Variants in RAP1GAP observed in about 807,000 individuals in gnomAD.
RAP1GAP encodes the protein RAP1 GTPase activating protein, also known as rap1 GTPase-activating protein 1.
In RAP1GAP, 35 loss-of-function variants were observed where a neutral mutation model predicts 87.2. That is an observed-to-expected ratio of 0.40 (90% CI 0.31 to 0.53). RAP1GAP has a LOEUF of 0.53. Among genes scored for constraint, RAP1GAP ranks in the 20% least tolerant of loss-of-function variants. The pLI is 0.48. For synonymous variants in RAP1GAP, 375 were observed against 363.9 expected, an observed-to-expected ratio of 1.03 and a Z score of -0.35; for missense variants, 734 against 898.9, an observed-to-expected ratio of 0.82 and a Z score of 2.35.
chr1:21,603,752 C>G lies in RAP1GAP; in HGVS notation c.1429-839G>C. 6.8e-7 allele frequency: 1 copy of G among 1,460,648 alleles called. No individual in the cohort carries two copies. Among genetic ancestry groups the G allele is most frequent in the Non-Finnish European group, 9.6e-7 (1 of 1,042,792 alleles). 90.5% of individuals were successfully genotyped at this position (1,460,648 alleles called of 1,614,324 possible). On this transcript the variant is annotated intron_variant, in intron 18 of 24. Coordinates refer to ENST00000374765, the MANE Select transcript of RAP1GAP (RefSeq NM_002885.4). The surrounding 1 kb of genome is among the most constrained non-coding windows in gnomAD (Gnocchi z 6.0). ...TCCCGGGGGCAGAGGGGCAACGTCCCCAATATGGCCTCCGTCCTGAGAGCG... is the reference window on the plus strand; with the variant it reads ...TCCCGGGGGCAGAGGGGCAACGTCCGCAATATGGCCTCCGTCCTGAGAGCG...
At position 21,613,596 on chromosome 1, in the gene RAP1GAP, G is replaced by A. The variant is rs780203649; in HGVS notation, c.474+32C>T. 6.3e-7 allele frequency: 1 copy of A among 1,580,230 alleles called. No homozygotes were observed. Among genetic ancestry groups the A allele is most frequent in the Non-Finnish European group, 8.7e-7 (1 of 1,149,504 alleles). The stretch of plus-strand genomic sequence containing the variant: ...CCACAGGTGCCCATCTGCGGAGCCA[G>A]CCCGGGAAGCTCAGCGGAGCGGAGA... On this transcript the variant is annotated intron_variant, in intron 9 of 24. Coordinates refer to ENST00000374765, the MANE Select transcript of RAP1GAP (RefSeq NM_002885.4). This position sits in a 1 kb window ranked among gnomAD's most constrained non-coding sequence, Gnocchi z 4.7.
chr1:21,614,414 G>A (rs1048601735), intron 7 of RAP1GAP, among the ~76,000 whole-genome samples: 12 of 152,220 alleles, frequency 7.9e-5, no homozygotes, highest in South Asian at 4.1e-4. Flanking sequence ...GGGTAGTAAC[G>A]CTGGATCTCT....
At chr1:21,618,208 G>C (rs1339384669) in intron 5 of RAP1GAP, among the ~76,000 whole-genome samples, 1 of 152,172 alleles carries the variant, frequency 6.6e-6, no homozygotes, top group Non-Finnish European at 1.5e-5. Context: ...GAAACCGCTG[G>C]ACTGCCTGGA....
rs1028269002 is a variant in RAP1GAP at position 21,622,458 on chromosome 1, C to G, written c.-18-2408G>C. 7 of 195,104 alleles carry G rather than the reference C, an allele frequency of 3.6e-5. No homozygotes were observed. Among genetic ancestry groups the G allele is most frequent in the Non-Finnish European group, 7.1e-5 (7 of 98,258 alleles). 12.1% of individuals were successfully genotyped at this position (195,104 alleles called of 1,614,324 possible). On this transcript the variant is annotated intron_variant, in intron 3 of 24. Transcript: ENST00000374765. The surrounding 1 kb of genome is among the most constrained non-coding windows in gnomAD (Gnocchi z 5.7). The stretch of plus-strand genomic sequence containing the variant: ...GGCCCCCGCCGGGGCGGCACTTCAG[C>G]TGGCCCAGCCGGCTCCTGGCCCGCG...
chr1:21,618,931 G>A, intron 5 of RAP1GAP, 94 bp downstream of exon 5: 2 of 1,371,394 alleles, frequency 1.5e-6, no homozygotes. Flanking sequence ...TTGCTGAAAG[G>A]GGATGGATTT....
chr1:21,600,217 A>AC (rs1214317833), intron 20 of RAP1GAP, among the ~76,000 whole-genome samples: 1 of 152,066 alleles, frequency 6.6e-6, no homozygotes, highest in Non-Finnish European at 1.5e-5. Context: ...CGAAAAGCAA[A>AC]TGTGCCTTTA....
intron 1 of RAP1GAP, among the ~76,000 whole-genome samples, chr1:21,658,742 T>C (rs2096966674): frequency 2.0e-5 from 3 of 151,920 alleles, no homozygotes; most frequent in African/African-American, 7.3e-5. Context: ...TTTTTTTAAA[T>C]CTAAGGGTAT....
intron 1 of RAP1GAP, among the ~76,000 whole-genome samples, chr1:21,656,739 A>C (rs938744676): frequency 6.6e-6 from 1 of 152,044 alleles, no homozygotes; most frequent in Non-Finnish European, 1.5e-5. Flanking sequence ...GGTTTCTGAA[A>C]CCCCTGCCTA....
chr1:21,599,476 C>A lies in RAP1GAP; in HGVS notation c.1776+18G>T, dbSNP rs768273439. On this transcript the variant is annotated intron_variant, in intron 21 of 24. Transcript: ENST00000374765. ...TTCCAAGCTCCTGTGGGGCCCCTGA[C>A]CCCCCTGAGCCTCTCACCAGGCCTG... The A allele has an allele frequency of 6.9e-6, 11 of 1,600,032 alleles. No individual in the cohort carries two copies. Among genetic ancestry groups the A allele is most frequent in the Admixed American group, 1.7e-5 (1 of 58,650 alleles).
At position 21,599,533 on chromosome 1, in the gene RAP1GAP, C is replaced by T. The variant is rs779720687; in HGVS notation, c.1737G>A (p.Val579=). 5.0e-6 allele frequency: 8 copies of T among 1,609,854 alleles called. No individual in the cohort carries two copies. Among genetic ancestry groups the T allele is most frequent in the South Asian group, 3.3e-5 (3 of 91,086 alleles). The change falls in exon 21 of 25, where the codon GTG becomes GTA. Residue 579 remains valine (V), a synonymous_variant. Coordinates refer to ENST00000374765, the MANE Select transcript of RAP1GAP (RefSeq NM_002885.4). ...CTCCGTCCACACCCTCCGTCTCCTCCACCACGCTGGCGAAGCTGCTGGCAC... is the reference window on the plus strand; with the variant it reads ...CTCCGTCCACACCCTCCGTCTCCTCTACCACGCTGGCGAAGCTGCTGGCAC... The part of the protein sequence containing the change: ...SSSASSFASV[V]EETEGVDGED...
chr1:21,623,437 AAC>A (rs2090107778), intron 3 of RAP1GAP, among the ~76,000 whole-genome samples: 1 of 152,228 alleles, frequency 6.6e-6, no homozygotes, highest in Admixed American at 6.5e-5. Flanking sequence ...AGATGTTGGG[AAC>A]ACAGCAAATG....
Position 21,613,012 on chromosome 1 carries a change from T to G in RAP1GAP, c.528+164A>C. The stretch of plus-strand genomic sequence containing the variant: ...CACCCTGGGGGAAGGCACAGGCCCT[T>G]TCGGTGGCTCCTCTTCTGCAAATTG... On this transcript the variant is annotated intron_variant, in intron 10 of 24. Coordinates refer to ENST00000374765, the MANE Select transcript of RAP1GAP (RefSeq NM_002885.4). The surrounding 1 kb of genome is among the most constrained non-coding windows in gnomAD (Gnocchi z 4.7). 2.6e-6 allele frequency: 2 copies of G among 756,036 alleles called. No individual in the cohort carries two copies. The highest frequency in any genetic ancestry group is 4.5e-6 in the Non-Finnish European group (2 of 442,180). 46.8% of individuals were successfully genotyped at this position (756,036 alleles called of 1,614,324 possible). A position where few individuals can be genotyped will look rare whatever the true frequency, so the allele number is the denominator to read the frequency against.
chr1:21,651,581 CACAGAA>C (rs771645160), intron 1 of RAP1GAP: 3 of 694,908 alleles, frequency 4.3e-6, no homozygotes, highest in South Asian at 1.4e-5. Context: ...CACACACAGA[CACAGAA>C]ACAGAAACAC....
Position 21,617,796 on chromosome 1 carries a change from G to A in RAP1GAP, c.105+138C>T, listed in dbSNP as rs542295980. ...GGGTTCAAATGGGCTCTGAGGCCTT[G>A]GGCCTGCAAATTAAGTCTCCAGCCC... On this transcript the variant is annotated intron_variant, in intron 6 of 24. Transcript: ENST00000374765. The A allele has an allele frequency of 1.7e-5, 21 of 1,237,948 alleles. No homozygotes were observed. The East Asian group carries it at 3.3e-4, about 20-fold the overall frequency. 76.7% of individuals were successfully genotyped at this position (1,237,948 alleles called of 1,614,324 possible).
chr1:21,659,086 G>A (rs1205079476), intron 1 of RAP1GAP, among the ~76,000 whole-genome samples: 2 of 151,980 alleles, frequency 1.3e-5, no homozygotes, highest in East Asian at 1.9e-4. Context: ...TGTATTTTTA[G>A]TAGAGTCGGG....
rs1055471897 is a variant in RAP1GAP at position 21,668,882 on chromosome 1, C to T, written c.-149+372G>A. On this transcript the variant is annotated intron_variant, in intron 1 of 24. Transcript: ENST00000374765. This position sits in a 1 kb window ranked among gnomAD's most constrained non-coding sequence, Gnocchi z 6.2. ...CTCCCCAGGGATGGAGGAAACGCGC[C>T]CACTTCCCACAGTCCCTCCTCTAAA... Among the ~76,000 whole-genome samples the T allele has an allele frequency of 6.6e-6, 1 of 151,190 alleles. No homozygotes were observed. Among genetic ancestry groups the T allele is most frequent in the Non-Finnish European group, 1.5e-5 (1 of 67,684 alleles).
In RAP1GAP at chr1:21,603,225, C is replaced by G; in HGVS notation, c.1429-312G>C. ...CCTCAGAATGGCTACCGCTCCCCGC[C>G]CCCCAGGGCTCTGTGGGATCTGCAG... is the stretch of plus-strand genomic sequence containing the variant. On this transcript the variant is annotated intron_variant, in intron 18 of 24. Coordinates refer to ENST00000374765, the MANE Select transcript of RAP1GAP (RefSeq NM_002885.4). This position sits in a 1 kb window ranked among gnomAD's most constrained non-coding sequence, Gnocchi z 6.0. 4.9e-6 allele frequency: 2 copies of G among 407,564 alleles called. No individual in the cohort carries two copies. Among genetic ancestry groups the G allele is most frequent in the Non-Finnish European group, 8.9e-6 (2 of 225,708 alleles). 25.2% of individuals were successfully genotyped at this position (407,564 alleles called of 1,614,324 possible). A position where few individuals can be genotyped will look rare whatever the true frequency, so the allele number is the denominator to read the frequency against.
In RAP1GAP at chr1:21,603,405, C is replaced by CA; in HGVS notation, c.1429-493dup. 3.6e-6 allele frequency: 2 copies of CA among 548,064 alleles called. No individual in the cohort carries two copies. Among genetic ancestry groups the CA allele is most frequent in the Non-Finnish European group, 6.5e-6 (2 of 307,408 alleles). 34.0% of individuals were successfully genotyped at this position (548,064 alleles called of 1,614,324 possible). On this transcript the variant is annotated intron_variant, in intron 18 of 24. Coordinates refer to ENST00000374765, the MANE Select transcript of RAP1GAP (RefSeq NM_002885.4). The surrounding 1 kb of genome is among the most constrained non-coding windows in gnomAD (Gnocchi z 6.0). ...TCCCACACACTGTGCTGGGATGCCC[C>CA]AGGCCCCAGAAGCCCGCCCCCAGCT...
Position 21,633,090 on chromosome 1 carries a change from G to C in RAP1GAP, c.-112-6693C>G, listed in dbSNP as rs578067153. Among the ~76,000 whole-genome samples, 219 of 152,324 alleles carry C rather than the reference G, an allele frequency of 1.4e-3. 1 individual carries two copies. Among genetic ancestry groups the C allele is most frequent in the African/African-American group, 4.3e-3 (179 of 41,574 alleles). ...TGAGAGATAATGTACCCACCTCATA[G>C]AGTTGCTATAAAGTGCTTGTAATTA... On this transcript the variant is annotated intron_variant, in intron 2 of 24. Transcript: ENST00000374765.
Sources: gnomAD v4.1 joint callset for allele counts (sites outside exome capture counted in the v4.1 genomes callset) on GRCh38, gnomAD v4.1.1 for gene constraint, Gnocchi (gnomAD v3.1) non-coding constraint, MANE v1.5 for transcripts, NCBI Gene and HGNC (gene_info 2026-07-23, HGNC 2026-07-21) for gene names.